The following SLC24A3 variants were observed in gnomAD, a reference collection of about 807,000 sequenced individuals.
The protein encoded by SLC24A3 is sodium/potassium/calcium exchanger 3.
SLC24A3 carries 28 observed loss-of-function variants against 75.8 expected under a neutral mutation model. That is an observed-to-expected ratio of 0.37 (90% CI 0.27 to 0.51). SLC24A3 has a LOEUF of 0.51. Ranked by LOEUF, SLC24A3 falls within the 20% of genes least tolerant of loss-of-function variation. The pLI, the probability that SLC24A3 is intolerant of heterozygous loss-of-function variation, is 0.94. For missense variants in SLC24A3, 663 were observed against 847.8 expected (o/e 0.78, Z 2.71); for synonymous variants, 372 against 334.1 (o/e 1.11, Z -1.24).
intron 3 of SLC24A3, among the ~76,000 whole-genome samples, chr20:19,534,829 G>T (rs1405656150): frequency 6.6e-6 from 1 of 152,182 alleles, no homozygotes; most frequent in Admixed American, 6.5e-5. Context: ...TGTAGATCTA[G>T]ACCAGCATTT....
intron 2 of SLC24A3, among the ~76,000 whole-genome samples, chr20:19,368,299 CA>C (rs1985933184): frequency 6.6e-6 from 1 of 152,204 alleles, no homozygotes; most frequent in Non-Finnish European, 1.5e-5. Context: ...AAAGTACAGC[CA>C]GAGAGAACAT....
Position 19,648,451 on chromosome 20 carries a change from A to G in SLC24A3, c.613-5611A>G, listed in dbSNP as rs141254251. On this transcript the variant is annotated intron_variant, in intron 6 of 16. Coordinates refer to ENST00000328041, the MANE Select transcript of SLC24A3 (RefSeq NM_020689.4). ...ATTATGTTGTTTTGTTTGCTTCAAC[A>G]GTTTTTTTTTTTAAAGCAAATACTC... is the stretch of plus-strand genomic sequence containing the variant. Among the ~76,000 whole-genome samples the G allele has an allele frequency of 4.7e-4, 70 of 149,402 alleles. 1 individual carries two copies. Among genetic ancestry groups the G allele is most frequent in the African/African-American group, 4.0e-4 (16 of 40,228 alleles).
intron 2 of SLC24A3, among the ~76,000 whole-genome samples, chr20:19,490,977 G>A (rs1399690543): frequency 6.6e-6 from 1 of 152,174 alleles, no homozygotes; most frequent in Non-Finnish European, 1.5e-5. Context: ...TTCTCAGCGA[G>A]CAGAAAGTAA....
chr20:19,689,408 A>T (rs1262582223), intron 12 of SLC24A3, among the ~76,000 whole-genome samples: 2 of 152,204 alleles, frequency 1.3e-5, no homozygotes, highest in African/African-American at 4.8e-5. Flanking sequence ...TATCATGCTT[A>T]CGGGCCAGCT....
intron 1 of SLC24A3, among the ~76,000 whole-genome samples, chr20:19,249,640 G>A (rs1982593435): frequency 6.6e-6 from 1 of 151,934 alleles, no homozygotes; most frequent in Middle Eastern, 3.2e-3. Flanking sequence ...TGGGTTTATC[G>A]CTGGGAGACA....
intron 2 of SLC24A3, among the ~76,000 whole-genome samples, chr20:19,424,925 T>G (rs1428447051): frequency 6.6e-6 from 1 of 152,176 alleles, no homozygotes; most frequent in Non-Finnish European, 1.5e-5. Flanking sequence ...AAAGGAACTT[T>G]ATAGGTCTCC....
intron 2 of SLC24A3, among the ~76,000 whole-genome samples, chr20:19,306,420 A>G (rs1387848962): frequency 6.6e-6 from 1 of 152,260 alleles, no homozygotes; most frequent in Non-Finnish European, 1.5e-5. Context: ...TTGCAGCACT[A>G]TTCACAGTAG....
chr20:19,416,871 A>C (rs1440310692), intron 2 of SLC24A3, among the ~76,000 whole-genome samples: 1 of 152,210 alleles, frequency 6.6e-6, no homozygotes, highest in East Asian at 1.9e-4. Context: ...AGACATGCAG[A>C]TACAATAAAA....
intron 2 of SLC24A3, among the ~76,000 whole-genome samples, chr20:19,448,371 T>A (rs1987421728): frequency 6.6e-6 from 1 of 152,214 alleles, no homozygotes. Flanking sequence ...TGTAAGATAG[T>A]CTTTATAATT....
chr20:19,519,151 T>C lies in SLC24A3; in HGVS notation c.348+3587T>C, dbSNP rs149838746. On this transcript the variant is annotated intron_variant, in intron 3 of 16. Coordinates refer to ENST00000328041, the MANE Select transcript of SLC24A3 (RefSeq NM_020689.4). ...AGTTTGATCTGAAACCTGATCACAC[T>C]TAGCATTGGCACCTACACTCAACCT... Among the ~76,000 whole-genome samples, 1,003 of 152,254 alleles carry C rather than the reference T, an allele frequency of 6.6e-3. 11 individuals are homozygous for C. Among genetic ancestry groups the C allele is most frequent in the Non-Finnish European group, 7.6e-3 (516 of 68,022 alleles).
intron 2 of SLC24A3, among the ~76,000 whole-genome samples, chr20:19,322,701 C>G (rs909770235): frequency 6.6e-6 from 1 of 152,164 alleles, no homozygotes; most frequent in Non-Finnish European, 1.5e-5. Flanking sequence ...CTCATGTTCA[C>G]TCTGCACACA....
intron 15 of SLC24A3, among the ~76,000 whole-genome samples, chr20:19,706,463 A>G (rs529122148): frequency 3.3e-5 from 5 of 152,250 alleles, no homozygotes; most frequent in African/African-American, 1.2e-4. Flanking sequence ...TGAGAATCCA[A>G]GATTATCAGG....
intron 2 of SLC24A3, among the ~76,000 whole-genome samples, chr20:19,502,666 T>C (rs565740338): frequency 6.6e-6 from 1 of 151,990 alleles, no homozygotes; most frequent in South Asian, 2.1e-4. Context: ...AACTCAACAC[T>C]GTTCAGAGGA....
At chr20:19,384,464 T>C (rs1986237600) in intron 2 of SLC24A3, among the ~76,000 whole-genome samples, 1 of 152,230 alleles carries the variant, frequency 6.6e-6, no homozygotes, top group South Asian at 2.1e-4. Flanking sequence ...TCACTTAGCA[T>C]AATGCCCAGT....
chr20:19,514,881 G>A (rs1021834099), intron 2 of SLC24A3, among the ~76,000 whole-genome samples: 1 of 152,170 alleles, frequency 6.6e-6, no homozygotes, highest in Non-Finnish European at 1.5e-5. Context: ...CAGGGAGGGG[G>A]TTGTTCTAAT....
At chr20:19,455,996 T>C (rs1210331267) in intron 2 of SLC24A3, among the ~76,000 whole-genome samples, 2 of 152,232 alleles carry the variant, frequency 1.3e-5, no homozygotes, top group African/African-American at 4.8e-5. Flanking sequence ...GAGTTTATAA[T>C]GTACTGGGGA....
chr20:19,252,186 T>C (rs756517710), intron 1 of SLC24A3, among the ~76,000 whole-genome samples: 1 of 152,210 alleles, frequency 6.6e-6, no homozygotes, highest in Non-Finnish European at 1.5e-5. Context: ...ATATTGTTCC[T>C]CTTGACAGAG....
chr20:19,666,229 G>A (rs892664404), intron 8 of SLC24A3, among the ~76,000 whole-genome samples: 3 of 152,094 alleles, frequency 2.0e-5, no homozygotes, highest in Non-Finnish European at 2.9e-5. Context: ...TTTTTGGGCC[G>A]GGCACAGTGG....
intron 2 of SLC24A3, among the ~76,000 whole-genome samples, chr20:19,396,503 A>G (rs1301219375): frequency 1.3e-5 from 2 of 152,224 alleles, no homozygotes; most frequent in African/African-American, 4.8e-5. Context: ...GCACATATCA[A>G]TTCAGACTGT....
Sources: gnomAD v4.1 joint callset for allele counts (sites outside exome capture counted in the v4.1 genomes callset) on GRCh38, gnomAD v4.1.1 for gene constraint, MANE v1.5 for transcripts, NCBI Gene and HGNC (gene_info 2026-07-23, HGNC 2026-07-21) for gene names.